Variants in PGBD5 observed in about 807,000 individuals in gnomAD.
PGBD5 encodes the protein piggyBac transposable element derived 5.
Under a neutral mutation model 47.9 loss-of-function variants are expected in PGBD5, and 14 were observed. The observed-to-expected ratio is 0.29, with a 90% CI of 0.19 to 0.46. PGBD5 has a LOEUF of 0.46. PGBD5 is among the 20% of genes least tolerant of loss of function. The pLI, the probability that PGBD5 is intolerant of heterozygous loss-of-function variation, is 1.00. For synonymous variants in PGBD5, 316 were observed against 306.3 expected, an observed-to-expected ratio of 1.03 and a Z score of -0.33; for missense variants, 635 against 716.0, an observed-to-expected ratio of 0.89 and a Z score of 1.29.
chr1:230,323,671 G>A lies in PGBD5; in HGVS notation c.1380-51C>T. 1 of 1,533,580 alleles carries A rather than the reference G, an allele frequency of 6.5e-7. No individual in the cohort carries two copies. The allele number at this position is 1,533,580 out of a possible 1,614,324, so 95.0% of individuals were successfully genotyped here. A position where few individuals can be genotyped will look rare whatever the true frequency, so the allele number is the denominator to read the frequency against. ...CTGACCCGATGGTTCATGGCACCCG[G>A]AGATGCATCCCAAAGGCCCCCCCTC... On this transcript the variant is annotated intron_variant, in intron 6 of 6. Coordinates refer to ENST00000391860, the MANE Select transcript of PGBD5 (RefSeq NM_001258311.2). This position sits in a 1 kb window ranked among gnomAD's most constrained non-coding sequence, Gnocchi z 4.1.
At chr1:230,365,930 A>G (rs1227068248) in intron 1 of PGBD5, among the ~76,000 whole-genome samples, 1 of 152,234 alleles carries the variant, frequency 6.6e-6, no homozygotes, top group African/African-American at 2.4e-5. Flanking sequence ...CTGGGACTCA[A>G]TGTAAACAGC....
Position 230,357,733 on chromosome 1 carries a change from A to G in PGBD5, c.332-412T>C, listed in dbSNP as rs975329273. 2.0e-5 allele frequency among the ~76,000 whole-genome samples: 3 copies of G among 152,212 alleles called. No homozygotes were observed. On this transcript the variant is annotated intron_variant, in intron 1 of 6. Coordinates refer to ENST00000391860, the MANE Select transcript of PGBD5 (RefSeq NM_001258311.2). This position sits in a 1 kb window ranked among gnomAD's most constrained non-coding sequence, Gnocchi z 5.7. ...AGGGTGTCGGTCTAGGGAGTTTCAC[A>G]CACTCGGGGCACAAGCCGAGTCTTA...
intron 2 of PGBD5, among the ~76,000 whole-genome samples, chr1:230,353,804 C>G (rs968510983): frequency 6.6e-6 from 1 of 152,214 alleles, no homozygotes; most frequent in African/African-American, 2.4e-5. Flanking sequence ...GCTGAATGTT[C>G]CAGGGTCCAA....
chr1:230,316,045 T>C lies in PGBD5; in HGVS notation c.*7380A>G, dbSNP rs1009429851. 1 of 139,716 alleles carries C rather than the reference T, an allele frequency of 7.2e-6. No homozygotes were observed. The highest frequency in any genetic ancestry group is 2.7e-5 in the African/African-American group (1 of 37,716). 8.7% of individuals were successfully genotyped at this position (139,716 alleles called of 1,614,324 possible). ...ATGTGTATACATACATAAGTATATG[T>C]GTACACATATATGTATGTGTATACA... is the stretch of plus-strand genomic sequence containing the variant. On this transcript the variant is annotated 3_prime_UTR_variant, in exon 7 of 7. Transcript: ENST00000391860.
At position 230,325,118 on chromosome 1, in the gene PGBD5, AG is replaced by A. The variant is rs142454691; in HGVS notation, c.1379+191del. Among the ~76,000 whole-genome samples the A allele has an allele frequency of 3.9e-3, 595 of 152,344 alleles. 8 individuals are homozygous for A. In the East Asian group the frequency reaches 0.051, roughly 13 times the overall value. ...TGGAGGACACAGAGTACCTGGGCAGAGGACTTCTAGGTAAAGCCATGTGTGC... is the reference window on the plus strand; with the variant it reads ...TGGAGGACACAGAGTACCTGGGCAGAGACTTCTAGGTAAAGCCATGTGTGC... On this transcript the variant is annotated intron_variant, in intron 6 of 6. Transcript: ENST00000391860.
At chr1:230,348,736 C>T (rs1284625313) in intron 3 of PGBD5, among the ~76,000 whole-genome samples, 1 of 152,242 alleles carries the variant, frequency 6.6e-6, no homozygotes, top group East Asian at 1.9e-4. Flanking sequence ...GATGTCCTTT[C>T]CCTGCGCTGT....
intron 1 of PGBD5, among the ~76,000 whole-genome samples, chr1:230,404,624 A>AT (rs1322042490): frequency 0.018 from 2,445 of 136,092 alleles, 61 homozygotes; most frequent in Admixed American, 0.066. Flanking sequence ...AAAAAAAAAA[A>AT]AAAAAATATA....
At chr1:230,347,979 C>A (rs568928313) in intron 3 of PGBD5, among the ~76,000 whole-genome samples, 25 of 152,350 alleles carry the variant, frequency 1.6e-4, no homozygotes, top group Non-Finnish European at 2.1e-4. Flanking sequence ...CCCTTCAAAT[C>A]TTTTCACATA....
chr1:230,348,010 C>T (rs558843672), intron 3 of PGBD5, among the ~76,000 whole-genome samples: 5 of 152,324 alleles, frequency 3.3e-5, no homozygotes, highest in Admixed American at 6.5e-5. Context: ...CTACATCCTA[C>T]GGGCCAAAGC....
intron 1 of PGBD5, chr1:230,377,524 T>C: frequency 6.2e-7 from 1 of 1,612,884 alleles, no homozygotes. Context: ...TGGCTGCAGA[T>C]CCCGGCCGGG....
At chr1:230,381,787 A>G (rs961534525) in intron 1 of PGBD5, among the ~76,000 whole-genome samples, 6 of 152,030 alleles carry the variant, frequency 3.9e-5, no homozygotes, top group African/African-American at 1.4e-4. Context: ...TCCGGGACAG[A>G]GTGTGAGCCA....
chr1:230,425,811 T>C lies in PGBD5; in HGVS notation c.118A>G (p.Ser40Gly). Residue 40 changes from serine (S) to glycine (G), a missense_variant, in exon 1 of 7, where the codon AGC (serine) becomes GGC (glycine). By Grantham distance (56) the Ser-to-Gly change is moderately conservative (BLOSUM62 0). Coordinates refer to ENST00000391860, the MANE Select transcript of PGBD5 (RefSeq NM_001258311.2). This position sits in a 1 kb window ranked among gnomAD's most constrained non-coding sequence, Gnocchi z 4.7. ...GTGCTGTAGAAGGGGTTCCCGCCGC[T>C]GTCCGGGCCGGACTCGCCGAACACG... ...DDVFGESGPD[S>G]GGNPFYSTSA... 1 of 1,208,106 alleles carries C rather than the reference T, an allele frequency of 8.3e-7. No individual in the cohort carries two copies. The highest frequency in any genetic ancestry group is 1.0e-6 in the Non-Finnish European group (1 of 973,052). The allele number at this position is 1,208,106 out of a possible 1,614,324, so 74.8% of individuals were successfully genotyped here. A position where few individuals can be genotyped will look rare whatever the true frequency, so the allele number is the denominator to read the frequency against.
At position 230,426,121 on chromosome 1, in the gene PGBD5, GGGC is replaced by G. The variant is rs1657779334; in HGVS notation, c.-196_-194del. 2.6e-5 allele frequency: 4 copies of G among 152,916 alleles called. No homozygotes were observed. The Admixed American group carries it at 2.7e-4, about 10-fold the overall frequency. 9.5% of individuals were successfully genotyped at this position (152,916 alleles called of 1,614,324 possible). ...GCCCGGGGAAGCGCCCTCGGAGCTC[GGGC>G]GCCGCAGGCTGCGGGCCGCGGCGGG... On this transcript the variant is annotated 5_prime_UTR_variant, in exon 1 of 7. Transcript: ENST00000391860.
intron 4 of PGBD5, among the ~76,000 whole-genome samples, chr1:230,333,759 A>G (rs3811478): frequency 0.5 from 75,522 of 152,170 alleles, 19,007 homozygotes; most frequent in East Asian, 0.6. Flanking sequence ...CTGAGGGAGA[A>G]GGAGCTTGAG....
At chr1:230,370,023 C>G (rs371222667) in intron 1 of PGBD5, among the ~76,000 whole-genome samples, 352 of 152,354 alleles carry the variant, frequency 2.3e-3, no homozygotes, top group African/African-American at 8.1e-3. Context: ...GGGCACAGGG[C>G]TCAGCTTCCT....
chr1:230,421,083 T>C (rs1657637265), intron 1 of PGBD5, among the ~76,000 whole-genome samples: 2 of 152,146 alleles, frequency 1.3e-5, no homozygotes, highest in East Asian at 3.9e-4. Flanking sequence ...TTCCAGTGTA[T>C]GCAAAGCCCC....
chr1:230,385,539 C>G (rs1008596495), intron 1 of PGBD5, among the ~76,000 whole-genome samples: 1 of 152,186 alleles, frequency 6.6e-6, no homozygotes, highest in Non-Finnish European at 1.5e-5. Context: ...TGAGTCAAGG[C>G]TGATTTCTGC....
intron 3 of PGBD5, among the ~76,000 whole-genome samples, chr1:230,342,133 T>C (rs1667415314): frequency 6.6e-6 from 1 of 152,120 alleles, no homozygotes; most frequent in Non-Finnish European, 1.5e-5. Flanking sequence ...CTAGTTCATC[T>C]TTTCCCTCAA....
At chr1:230,386,944 C>T (rs4846956) in intron 1 of PGBD5, among the ~76,000 whole-genome samples, 53,355 of 151,986 alleles carry the variant, frequency 0.35, 10,196 homozygotes, top group Non-Finnish European at 0.43. Context: ...AATAGCATCG[C>T]TTGTGGAAGT....
Sources: allele counts gnomAD v4.1 joint callset (sites outside exome capture counted in the v4.1 genomes callset), GRCh38; gene constraint gnomAD v4.1.1; non-coding constraint Gnocchi (gnomAD v3.1); transcripts MANE v1.5; gene names NCBI Gene and HGNC (gene_info 2026-07-23, HGNC 2026-07-21).